ZP3: variants seen among roughly 807,000 people sequenced by gnomAD.
ZP3 encodes the protein zona pellucida sperm-binding protein 3.
A neutral mutation model predicts 35.6 loss-of-function variants in ZP3; 21 were observed. That is an observed-to-expected ratio of 0.59 (90% CI 0.42 to 0.85). ZP3 has a LOEUF of 0.85. Among genes scored for constraint, ZP3 ranks in the 40% least tolerant of loss-of-function variants. The pLI, the probability that ZP3 is intolerant of heterozygous loss-of-function variation, is 0.00. For synonymous variants in ZP3, 207 were observed against 214.5 expected (o/e 0.96, Z 0.31); for missense variants, 437 against 536.5 (o/e 0.81, Z 1.83).
chr7:76,408,578 C>T (rs1372724724), intron 1 of ZP3, among the ~76,000 whole-genome samples: 1 of 152,166 alleles, frequency 6.6e-6, no homozygotes, highest in South Asian at 2.1e-4. Context: ...CCTCAGCTTC[C>T]CCACCTCTAT....
chr7:76,400,463 C>T (rs2115781242), intron 1 of ZP3: 1 of 1,608,714 alleles, frequency 6.2e-7, no homozygotes. Flanking sequence ...AGGCCACAGC[C>T]CAGCTGGCGA....
chr7:76,441,042 A>C (rs1184079521), intron 7 of ZP3, among the ~76,000 whole-genome samples: 4 of 150,810 alleles, frequency 2.7e-5, no homozygotes, highest in Non-Finnish European at 5.9e-5. Context: ...GTGGTGGTAC[A>C]TGCCTGTAAT....
chr7:76,415,396 G>T (rs898299971), intron 1 of ZP3, among the ~76,000 whole-genome samples: 4 of 134,214 alleles, frequency 3.0e-5, no homozygotes, highest in African/African-American at 1.2e-4. Flanking sequence ...GAATGATTCA[G>T]CACAAACTAT....
intron 5 of ZP3, among the ~76,000 whole-genome samples, chr7:76,435,241 T>G (rs1805957293): frequency 6.6e-6 from 1 of 152,264 alleles, no homozygotes; most frequent in Non-Finnish European, 1.5e-5. Flanking sequence ...CCACTCCAGG[T>G]TCCCAGGTGC....
chr7:76,427,850 G>C (rs1019146081), intron 1 of ZP3, among the ~76,000 whole-genome samples: 1 of 152,126 alleles, frequency 6.6e-6, no homozygotes, highest in Admixed American at 6.6e-5. Flanking sequence ...GCCCAGCCAA[G>C]TTATGTTTTT....
chr7:76,433,798 A>G, intron 4 of ZP3, 151 bp downstream of exon 4: 5 of 1,080,510 alleles, frequency 4.6e-6, no homozygotes, highest in Non-Finnish European at 6.7e-6. Flanking sequence ...TCCCAGGTTT[A>G]AGTGATTCTC....
intron 2 of ZP3, among the ~76,000 whole-genome samples, chr7:76,430,180 A>G (rs895517282): frequency 2.0e-5 from 3 of 152,082 alleles, no homozygotes; most frequent in African/African-American, 4.8e-5. Flanking sequence ...GCTGTACTCC[A>G]TTCTGGGCAA....
intron 1 of ZP3, among the ~76,000 whole-genome samples, chr7:76,418,811 G>C (rs556872867): frequency 1.2e-4 from 19 of 152,206 alleles, no homozygotes; most frequent in African/African-American, 2.9e-4. Context: ...AGCGGAGATC[G>C]CGCCACTGCA....
At chr7:76,417,161 G>T (rs1049707088) in intron 1 of ZP3, among the ~76,000 whole-genome samples, 1 of 151,706 alleles carries the variant, frequency 6.6e-6, no homozygotes, top group South Asian at 2.1e-4. Context: ...AGGTTCACGC[G>T]ATTCTCCTGC....
intron 3 of ZP3, 144 bp downstream of exon 3, chr7:76,433,174 G>GGTTTTGGTTGGTTTTTC: frequency 1.3e-6 from 1 of 766,622 alleles, no homozygotes; most frequent in Admixed American, 2.6e-5. Context: ...GTTGGTTTTT[G>GGTTTTGGTTGGTTTTTC]AGACAGTCTT....
chr7:76,404,228 C>A, intron 1 of ZP3: 4 of 1,453,180 alleles, frequency 2.8e-6, no homozygotes, highest in Non-Finnish European at 3.6e-6. Flanking sequence ...TCACAACCCT[C>A]CTCCTACTAT....
chr7:76,440,238 T>C lies in ZP3; in HGVS notation c.832-12T>C. The C allele has an allele frequency of 6.2e-7, 1 of 1,606,576 alleles. No homozygotes were observed. The stretch of plus-strand genomic sequence containing the variant: ...TGGAACTCGGCCTGGAAATAGCTGT[T>C]ATTCCTTGCAGATATACATCACCTG... On this transcript the variant is annotated splice_polypyrimidine_tract_variant and intron_variant, in intron 5 of 7. Coordinates refer to ENST00000394857, the MANE Select transcript of ZP3 (RefSeq NM_001110354.2).
At chr7:76,404,431 C>T (rs1439352724) in intron 1 of ZP3, 5 of 1,614,082 alleles carry the variant, frequency 3.1e-6, no homozygotes. Flanking sequence ...TCTCTGCTTC[C>T]TTGTGCATCT....
At position 76,432,924 on chromosome 7, in the gene ZP3, C is replaced by G; in HGVS notation, c.432-3C>G. On this transcript the variant is annotated splice_polypyrimidine_tract_variant and splice_region_variant and intron_variant, in intron 2 of 7. Coordinates refer to ENST00000394857, the MANE Select transcript of ZP3 (RefSeq NM_001110354.2). ...GTGTGCACAGCTGCTGTTCTTCTCTCAGGCAGGGCAATGTGAGCAGCCAGG... is the reference window on the plus strand; with the variant it reads ...GTGTGCACAGCTGCTGTTCTTCTCTGAGGCAGGGCAATGTGAGCAGCCAGG... 1 of 1,613,604 alleles carries G rather than the reference C, an allele frequency of 6.2e-7. No individual in the cohort carries two copies. Among genetic ancestry groups the G allele is most frequent in the Non-Finnish European group, 8.5e-7 (1 of 1,179,744 alleles).
At chr7:76,415,419 CTAT>C (rs201593894) in intron 1 of ZP3, among the ~76,000 whole-genome samples, 9,837 of 145,450 alleles carry the variant, frequency 0.068, 871 homozygotes, top group African/African-American at 0.19. Context: ...ACTATGACAA[CTAT>C]GACAACTGTT....
At chr7:76,412,200 A>AG (rs1172041372) in intron 1 of ZP3, among the ~76,000 whole-genome samples, 17 of 151,560 alleles carry the variant, frequency 1.1e-4, no homozygotes, top group Non-Finnish European at 2.2e-4. Context: ...AAAAAAAAAA[A>AG]AAGAAAAGAA....
In ZP3 at chr7:76,418,137, G is replaced by A. The variant is rs555955819; in HGVS notation, c.-66-6915G>A. On this transcript the variant is annotated intron_variant, in intron 1 of 8. Coordinates refer to the ZP3 transcript ENST00000336517. ...GTGTTTTTAGCGGAGACAGGATTTC[G>A]CCATGTTGCCCAGGCTGCTGACCTC... 4.6e-5 allele frequency among the ~76,000 whole-genome samples: 7 copies of A among 151,780 alleles called. 1 individual carries two copies. Among genetic ancestry groups the A allele is most frequent in the African/African-American group, 1.2e-4 (5 of 41,398 alleles).
At chr7:76,430,183 C>T (rs1013849163) in intron 2 of ZP3, among the ~76,000 whole-genome samples, 2 of 152,022 alleles carry the variant, frequency 1.3e-5, no homozygotes, top group South Asian at 2.1e-4. Flanking sequence ...GTACTCCATT[C>T]TGGGCAACAA....
intron 1 of ZP3, among the ~76,000 whole-genome samples, chr7:76,403,536 C>A (rs1270161876): frequency 6.6e-6 from 1 of 151,634 alleles, no homozygotes; most frequent in Non-Finnish European, 1.5e-5. Flanking sequence ...CGGGGTTTCA[C>A]CATGTTGGCC....
Sources: gnomAD v4.1 joint callset for allele counts (sites outside exome capture counted in the v4.1 genomes callset) on GRCh38, gnomAD v4.1.1 for gene constraint, MANE v1.5 for transcripts, NCBI Gene and HGNC (gene_info 2026-07-23, HGNC 2026-07-21) for gene names.